DRC11: variants seen among roughly 807,000 people sequenced by gnomAD.
DRC11 encodes dynein regulatory complex subunit 11, also known as IQ and AAA domain-containing protein 1.
At chr2:236,507,324 G>A in the DRC11 span, 178 of 1,604,616 alleles carry the variant, frequency 1.1e-4, no homozygotes, top group Non-Finnish European at 1.4e-4. Flanking sequence ...GTTGCTCTCT[G>A]AAGGACGGTG....
the DRC11 span, among the ~76,000 whole-genome samples, chr2:236,319,171 C>T: frequency 6.6e-6 from 1 of 152,210 alleles, no homozygotes; most frequent in Non-Finnish European, 1.5e-5. The surrounding 1 kb of genome is among the most constrained non-coding windows in gnomAD (Gnocchi z 6.7). Context: ...ACAGCCTGCC[C>T]CATGGCACTT....
At chr2:236,363,715 G>A in the DRC11 span, 1 of 1,228,292 alleles carries the variant, frequency 8.1e-7, no homozygotes, top group Non-Finnish European at 1.2e-6. This position sits in a 1 kb window ranked among gnomAD's most constrained non-coding sequence, Gnocchi z 5.6. Context: ...GAAATTATCT[G>A]CAGGGTTTGA....
chr2:236,374,580 C>A, the DRC11 span, among the ~76,000 whole-genome samples: 1 of 152,168 alleles, frequency 6.6e-6, no homozygotes, highest in African/African-American at 2.4e-5. Context: ...AGGAAACTTA[C>A]AATCATGACA....
the DRC11 span, among the ~76,000 whole-genome samples, chr2:236,330,139 C>T: frequency 6.7e-3 from 1,024 of 152,226 alleles, 13 homozygotes; most frequent in African/African-American, 0.023. The surrounding 1 kb of genome is among the most constrained non-coding windows in gnomAD (Gnocchi z 5.5). Context: ...AAACAGTTAA[C>T]GAGAATATTA....
the DRC11 span, among the ~76,000 whole-genome samples, chr2:236,434,062 T>C: frequency 6.6e-6 from 1 of 152,246 alleles, no homozygotes; most frequent in Non-Finnish European, 1.5e-5. This position sits in a 1 kb window ranked among gnomAD's most constrained non-coding sequence, Gnocchi z 5.5. Flanking sequence ...GGTGCATTCA[T>C]AGACATCCTT....
At chr2:236,318,859 C>T in the DRC11 span, among the ~76,000 whole-genome samples, 2 of 152,112 alleles carry the variant, frequency 1.3e-5, no homozygotes, top group African/African-American at 2.4e-5. The surrounding 1 kb of genome is among the most constrained non-coding windows in gnomAD (Gnocchi z 7.0). Context: ...CTTGACAGCA[C>T]CCGGCTCATC....
At chr2:236,450,850 C>T in the DRC11 span, among the ~76,000 whole-genome samples, 1 of 152,100 alleles carries the variant, frequency 6.6e-6, no homozygotes, top group Non-Finnish European at 1.5e-5. Flanking sequence ...CTATCCAGTG[C>T]CATTTGTCCT....
the DRC11 span, among the ~76,000 whole-genome samples, chr2:236,376,137 G>GGA: frequency 2.0e-5 from 3 of 152,194 alleles, no homozygotes; most frequent in African/African-American, 7.2e-5. The surrounding 1 kb of genome is among the most constrained non-coding windows in gnomAD (Gnocchi z 5.7). Flanking sequence ...ACACTGACAG[G>GGA]GAGACACCAT....
chr2:236,377,051 A>T, the DRC11 span: 1 of 1,239,182 alleles, frequency 8.1e-7, no homozygotes, highest in Non-Finnish European at 1.2e-6. The surrounding 1 kb of genome is among the most constrained non-coding windows in gnomAD (Gnocchi z 4.9). Context: ...GGGATTTCAA[A>T]ACACAAGAGG....
At chr2:236,431,731 T>G in the DRC11 span, among the ~76,000 whole-genome samples, 2 of 152,248 alleles carry the variant, frequency 1.3e-5, no homozygotes, top group Non-Finnish European at 2.9e-5. This position sits in a 1 kb window ranked among gnomAD's most constrained non-coding sequence, Gnocchi z 4.2. Flanking sequence ...ACACTTTAAG[T>G]TCATCCATGT....
the DRC11 span, chr2:236,486,872 T>G: frequency 6.2e-7 from 1 of 1,610,832 alleles, no homozygotes; most frequent in Admixed American, 1.7e-5. This position sits in a 1 kb window ranked among gnomAD's most constrained non-coding sequence, Gnocchi z 5.7. Flanking sequence ...TTTTTCAGTT[T>G]CCTTACGTTG....
the DRC11 span, among the ~76,000 whole-genome samples, chr2:236,451,523 G>C: frequency 6.6e-6 from 1 of 152,084 alleles, no homozygotes; most frequent in Non-Finnish European, 1.5e-5. Flanking sequence ...TCTTAATCGA[G>C]CTTACATGTT....
At chr2:236,429,184 C>T in the DRC11 span, among the ~76,000 whole-genome samples, 3 of 152,270 alleles carry the variant, frequency 2.0e-5, no homozygotes, top group East Asian at 5.8e-4. This position sits in a 1 kb window ranked among gnomAD's most constrained non-coding sequence, Gnocchi z 5.9. Flanking sequence ...TATGTGGTGG[C>T]TCCGAATCTG....
At chr2:236,500,765 C>T in the DRC11 span, among the ~76,000 whole-genome samples, 5 of 152,226 alleles carry the variant, frequency 3.3e-5, no homozygotes, top group East Asian at 7.7e-4. The surrounding 1 kb of genome is among the most constrained non-coding windows in gnomAD (Gnocchi z 6.3). Flanking sequence ...TGCAGTGGTG[C>T]GATCTCAGCT....
At chr2:236,450,870 T>C in the DRC11 span, among the ~76,000 whole-genome samples, 1 of 152,214 alleles carries the variant, frequency 6.6e-6, no homozygotes, top group Admixed American at 6.5e-5. Flanking sequence ...TTCCTTATTG[T>C]TCTCATTTTA....
At chr2:236,422,734 G>A in the DRC11 span, among the ~76,000 whole-genome samples, 17 of 152,048 alleles carry the variant, frequency 1.1e-4, no homozygotes, top group Admixed American at 6.6e-4. Context: ...AAAGGAGCCC[G>A]CATTGCCAAG....
chr2:236,449,613 C>T, the DRC11 span, among the ~76,000 whole-genome samples: 2 of 152,206 alleles, frequency 1.3e-5, no homozygotes, highest in African/African-American at 4.8e-5. This position sits in a 1 kb window ranked among gnomAD's most constrained non-coding sequence, Gnocchi z 5.1. Context: ...ATCTGTGGCA[C>T]ACTACTACTC....
the DRC11 span, among the ~76,000 whole-genome samples, chr2:236,472,090 A>T: frequency 6.6e-6 from 1 of 152,218 alleles, no homozygotes; most frequent in Non-Finnish European, 1.5e-5. This position sits in a 1 kb window ranked among gnomAD's most constrained non-coding sequence, Gnocchi z 4.6. Flanking sequence ...CACGTAATAG[A>T]AAAGAAAATG....
chr2:236,434,593 T>C, the DRC11 span, among the ~76,000 whole-genome samples: 2 of 152,096 alleles, frequency 1.3e-5, no homozygotes, highest in Non-Finnish European at 2.9e-5. This position sits in a 1 kb window ranked among gnomAD's most constrained non-coding sequence, Gnocchi z 5.5. Context: ...GCAGGTCTAG[T>C]GTGTGGGGGA....
Sources: allele counts gnomAD v4.1 joint callset (sites outside exome capture counted in the v4.1 genomes callset), GRCh38; gene constraint gnomAD v4.1.1; non-coding constraint Gnocchi (gnomAD v3.1); transcripts MANE v1.5; gene names NCBI Gene and HGNC (gene_info 2026-07-23, HGNC 2026-07-21).